The following ZMAT4 variants were observed in gnomAD, a reference collection of about 807,000 sequenced individuals.
ZMAT4 encodes zinc finger matrin-type 4, also known as zinc finger matrin-type protein 4.
ZMAT4 carries 17 observed loss-of-function variants against 28.7 expected under a neutral mutation model. The ratio of observed to expected loss-of-function variants is 0.59; its 90% CI spans 0.41 to 0.89. The LOEUF (loss-of-function observed/expected upper bound fraction) is 0.89. ZMAT4 is among the 40% of genes least tolerant of loss of function. The pLI, the probability that ZMAT4 is intolerant of heterozygous loss-of-function variation, is 0.00. For synonymous variants in ZMAT4, 117 were observed against 109.2 expected (o/e 1.07, Z -0.44); for missense variants, 240 against 283.8 (o/e 0.85, Z 1.11).
intron 2 of ZMAT4, among the ~76,000 whole-genome samples, chr8:40,787,988 A>C (rs1335567430): frequency 6.6e-6 from 1 of 152,208 alleles, no homozygotes; most frequent in African/African-American, 2.4e-5. Flanking sequence ...GAAGAAAGGA[A>C]AAAATATAAG....
Position 40,565,052 on chromosome 8 carries a change from G to A in ZMAT4, c.674+16113C>T, listed in dbSNP as rs71519555. Among the ~76,000 whole-genome samples the A allele has an allele frequency of 6.2e-3, 943 of 152,266 alleles. 6 individuals are homozygous for A. The highest frequency in any genetic ancestry group is 0.011 in the Non-Finnish European group (760 of 67,996). On this transcript the variant is annotated intron_variant, in intron 6 of 6. Coordinates refer to ENST00000297737, the MANE Select transcript of ZMAT4 (RefSeq NM_024645.3). Reference sequence around the variant, plus strand: ...AATGACACTAGAGCAAGTGTTATTAGGGAGAAAGAATAATCAAAGTAATTT... The same window carrying A: ...AATGACACTAGAGCAAGTGTTATTAAGGAGAAAGAATAATCAAAGTAATTT...
intron 4 of ZMAT4, among the ~76,000 whole-genome samples, chr8:40,691,538 GT>G (rs1809663984): frequency 6.6e-6 from 1 of 152,106 alleles, no homozygotes; most frequent in South Asian, 2.1e-4. Flanking sequence ...TTCCACACAT[GT>G]CTGGGAATAA....
At chr8:40,859,387 G>T (rs1422747614) in intron 1 of ZMAT4, among the ~76,000 whole-genome samples, 4 of 152,158 alleles carry the variant, frequency 2.6e-5, no homozygotes, top group Admixed American at 1.3e-4. Context: ...TGACAGGAGT[G>T]CATGTATGGA....
At chr8:40,610,980 A>G (rs973304320) in intron 5 of ZMAT4, among the ~76,000 whole-genome samples, 1 of 149,940 alleles carries the variant, frequency 6.7e-6, no homozygotes, top group African/African-American at 2.4e-5. Flanking sequence ...CTACATAACT[A>G]ATACACAATT....
intron 5 of ZMAT4, among the ~76,000 whole-genome samples, chr8:40,607,513 A>T (rs1438753958): frequency 2.6e-5 from 4 of 151,746 alleles, no homozygotes; most frequent in African/African-American, 9.7e-5. Flanking sequence ...TTAATAATTG[A>T]CCTTCTGAAT....
intron 5 of ZMAT4, among the ~76,000 whole-genome samples, chr8:40,582,921 T>G (rs1804539869): frequency 6.6e-6 from 1 of 152,178 alleles, no homozygotes; most frequent in Admixed American, 6.5e-5. Flanking sequence ...AGATGATAAC[T>G]ATACCCACAT....
chr8:40,832,285 C>T (rs1002281032), intron 1 of ZMAT4, among the ~76,000 whole-genome samples: 3 of 152,238 alleles, frequency 2.0e-5, no homozygotes, highest in African/African-American at 7.2e-5. Flanking sequence ...GACCTCAGTG[C>T]TCAGACTCTC....
intron 6 of ZMAT4, among the ~76,000 whole-genome samples, chr8:40,573,542 T>C (rs372502512): frequency 2.0e-5 from 3 of 152,192 alleles, no homozygotes; most frequent in African/African-American, 7.2e-5. Context: ...TGATTTCATC[T>C]TGAGAATCTT....
chr8:40,698,548 G>C (rs1809994383), intron 3 of ZMAT4, among the ~76,000 whole-genome samples: 1 of 152,212 alleles, frequency 6.6e-6, no homozygotes, highest in Admixed American at 6.5e-5. Context: ...CTTATTCCTA[G>C]TGAGCCCAGA....
intron 5 of ZMAT4, among the ~76,000 whole-genome samples, chr8:40,652,647 G>A (rs898046760): frequency 4.2e-5 from 5 of 120,096 alleles, no homozygotes; most frequent in Admixed American, 1.9e-4. Context: ...TGTTTATAGC[G>A]GCATTATTCA....
intron 5 of ZMAT4, among the ~76,000 whole-genome samples, chr8:40,625,129 T>G (rs866416662): frequency 3.3e-5 from 5 of 152,174 alleles, no homozygotes; most frequent in Middle Eastern, 3.4e-3. Context: ...TGCCAAGCAC[T>G]GAGACTAACA....
Position 40,869,298 on chromosome 8 carries a change from A to C in ZMAT4, c.-5+28385T>G, listed in dbSNP as rs1817773644. ...ACTGTCTTATAGAATATTAGTTGAG[A>C]TCCCCAGTGAACATTTACCAATTGG... On this transcript the variant is annotated intron_variant, in intron 1 of 6. Transcript: ENST00000297737. 1.4e-5 allele frequency among the ~76,000 whole-genome samples: 2 copies of C among 141,512 alleles called. 1 individual carries two copies. The highest frequency in any genetic ancestry group is 4.5e-4 in the South Asian group (2 of 4,476). 92.8% of individuals were successfully genotyped at this position (141,512 alleles called of 152,430 possible). A position where few individuals can be genotyped will look rare whatever the true frequency, so the allele number is the denominator to read the frequency against.
At chr8:40,758,208 G>A (rs1812773869) in intron 3 of ZMAT4, among the ~76,000 whole-genome samples, 1 of 151,974 alleles carries the variant, frequency 6.6e-6, no homozygotes, top group Admixed American at 6.6e-5. Flanking sequence ...TATTAGTTCT[G>A]TCCCTCTAGA....
At chr8:40,888,775 C>T (rs1198579279) in intron 1 of ZMAT4, among the ~76,000 whole-genome samples, 1 of 152,246 alleles carries the variant, frequency 6.6e-6, no homozygotes, top group Non-Finnish European at 1.5e-5. Context: ...AGAGGGCCAC[C>T]TCGGGGGGGC....
rs530054846 is a variant in ZMAT4, at chr8:40,541,843, C to T, written c.675-9605G>A. 2.3e-4 allele frequency among the ~76,000 whole-genome samples: 35 copies of T among 152,338 alleles called. 1 individual carries two copies. The highest frequency in any genetic ancestry group is 1.2e-3 in the East Asian group (6 of 5,182). Reference sequence around the variant, plus strand: ...CAGGGAGCAGGGGAAGGGAAAATGTCGGACTCCCCTTTAGCTCATGAGCAC... The same window carrying T: ...CAGGGAGCAGGGGAAGGGAAAATGTTGGACTCCCCTTTAGCTCATGAGCAC... On this transcript the variant is annotated intron_variant, in intron 6 of 6. Transcript: ENST00000297737.
At chr8:40,536,227 C>A (rs1181324668) in intron 6 of ZMAT4, among the ~76,000 whole-genome samples, 1 of 152,150 alleles carries the variant, frequency 6.6e-6, no homozygotes. Context: ...TTTCCCTGGC[C>A]AGTTCCTTTT....
intron 4 of ZMAT4, among the ~76,000 whole-genome samples, 162 bp from the exon 5 acceptor site, chr8:40,675,093 T>C (rs553531413): frequency 3.9e-5 from 6 of 152,326 alleles, no homozygotes; most frequent in Middle Eastern, 3.4e-3. Flanking sequence ...GCTTTCATTT[T>C]TGAGTTGGGA....
intron 4 of ZMAT4, among the ~76,000 whole-genome samples, chr8:40,687,852 T>C (rs1265070360): frequency 1.3e-5 from 2 of 152,208 alleles, no homozygotes; most frequent in Non-Finnish European, 2.9e-5. Context: ...ATTAGCAGTT[T>C]CCACTAATCA....
chr8:40,746,647 G>A (rs1236863056), intron 3 of ZMAT4, among the ~76,000 whole-genome samples: 1 of 152,044 alleles, frequency 6.6e-6, no homozygotes, highest in East Asian at 1.9e-4. Flanking sequence ...GAGCCACCAT[G>A]CCCGGCCCAG....
Sources: allele counts gnomAD v4.1 joint callset (sites outside exome capture counted in the v4.1 genomes callset), GRCh38; gene constraint gnomAD v4.1.1; transcripts MANE v1.5; gene names NCBI Gene and HGNC (gene_info 2026-07-23, HGNC 2026-07-21).